Variants in DMD observed in about 807,000 individuals in gnomAD.
DMD encodes the protein mutant dystrophin.
Under a neutral mutation model 330.1 loss-of-function variants are expected in DMD, and 63 were observed. The observed-to-expected ratio is 0.19, with a 90% CI of 0.16 to 0.24. The LOEUF (loss-of-function observed/expected upper bound fraction) is 0.24, where lower values mean the gene tolerates loss of function less well. Among genes scored for constraint, DMD ranks in the 10% least tolerant of loss-of-function variants. The pLI, the probability that DMD is intolerant of heterozygous loss-of-function variation, is 1.00. For missense variants in DMD, 3,344 were observed against 2,684.1 expected, an observed-to-expected ratio of 1.25 and a Z score of -5.43; for synonymous variants, 1,223 against 959.8, an observed-to-expected ratio of 1.27 and a Z score of -5.07.
chrX:32,718,327 G>GA (rs1227109265), intron 7 of DMD, among the ~76,000 whole-genome samples: 1 of 110,935 alleles, frequency 9.0e-6, no homozygotes, highest in Non-Finnish European at 1.9e-5. Flanking sequence ...CTGGTTGTGT[G>GA]AAAGCGTGTA....
chrX:31,277,322 C>T (rs936034730), intron 62 of DMD, among the ~76,000 whole-genome samples: 44 of 111,483 alleles, frequency 3.9e-4, no homozygotes, highest in African/African-American at 1.3e-3. Context: ...CCAGCATCTC[C>T]CTTATTTTCT....
intron 2 of DMD, among the ~76,000 whole-genome samples, chrX:32,912,087 G>A (rs947578198): frequency 9.3e-6 from 1 of 107,415 alleles, no homozygotes; most frequent in African/African-American, 3.4e-5. Context: ...AGGAAGAGGA[G>A]AAGGAATGGG....
intron 44 of DMD, among the ~76,000 whole-genome samples, chrX:32,005,916 C>G (rs2095658512): frequency 9.0e-6 from 1 of 111,245 alleles, no homozygotes; most frequent in Non-Finnish European, 1.9e-5. Flanking sequence ...TACTTCTTGT[C>G]TAATGAAGTG....
intron 63 of DMD, among the ~76,000 whole-genome samples, chrX:31,224,657 A>T (rs2046406511): frequency 1.8e-5 from 2 of 111,868 alleles, no homozygotes; most frequent in African/African-American, 6.5e-5. Context: ...CACAGAATAA[A>T]AAAAAATGTA....
chrX:32,648,378 T>C (rs980182520), intron 9 of DMD, among the ~76,000 whole-genome samples: 4 of 112,172 alleles, frequency 3.6e-5, no homozygotes, highest in East Asian at 2.8e-4. Flanking sequence ...AGATAGACTA[T>C]TGTTTTTCAA....
At chrX:31,287,549 C>T (rs2053319747) in intron 62 of DMD, among the ~76,000 whole-genome samples, 1 of 112,083 alleles carries the variant, frequency 8.9e-6, no homozygotes, top group East Asian at 2.8e-4. Context: ...AAAGCTCTGA[C>T]AGGAGAAAAC....
intron 20 of DMD, among the ~76,000 whole-genome samples, chrX:32,489,770 A>T (rs2042821605): frequency 8.9e-6 from 1 of 111,966 alleles, no homozygotes; most frequent in African/African-American, 3.2e-5. Flanking sequence ...CAAGAATCGG[A>T]TAAGGTAACA....
intron 12 of DMD, among the ~76,000 whole-genome samples, chrX:32,606,330 G>A (rs1232214688): frequency 5.5e-5 from 6 of 109,717 alleles, no homozygotes; most frequent in African/African-American, 1.6e-4. Context: ...ACGATCTCTA[G>A]TTCCATCCAC....
chrX:32,809,553 C>T lies in DMD; in HGVS notation c.589G>A (p.Glu197Lys), dbSNP rs1340365803. Residue 197 changes from glutamate (E) to lysine (K), a missense_variant, in exon 7 of 79, where the codon GAA becomes AAA. Physicochemically the swap from Glu to Lys is moderately conservative, Grantham distance 56. Coordinates refer to ENST00000357033, the MANE Select transcript of DMD (RefSeq NM_004006.3). ...VCQQSATQRL[E>K]HAFNIARYQL... ...TATCTGGCGATGTTGAATGCATGTT[C>T]CAGTCGTTGTGTGGCTGACTGCTGG... is the stretch of plus-strand genomic sequence containing the variant. 1.7e-6 allele frequency: 2 copies of T among 1,208,935 alleles called. No individual in the cohort carries two copies. Among genetic ancestry groups the T allele is most frequent in the Non-Finnish European group, 1.1e-6 (1 of 894,969 alleles).
At chrX:33,285,477 G>C (rs2053417911) in intron 1 of DMD, among the ~76,000 whole-genome samples, 1 of 111,903 alleles carries the variant, frequency 8.9e-6, no homozygotes. Flanking sequence ...TTGAAACTTG[G>C]AGGATCAAAT....
In DMD at chrX:32,000,444, A is replaced by G. The variant is rs754103348; in HGVS notation, c.6439-31930T>C. Reference sequence around the variant, plus strand: ...TATTAGGTCCCATCGAAAATTGCCTATTTATGTATACAATAAGCATGAGAA... The same window carrying G: ...TATTAGGTCCCATCGAAAATTGCCTGTTTATGTATACAATAAGCATGAGAA... On this transcript the variant is annotated intron_variant, in intron 44 of 78. Transcript: ENST00000357033. Among the ~76,000 whole-genome samples, 4 of 112,256 alleles carry G rather than the reference A, an allele frequency of 3.6e-5. No homozygotes were observed. In the East Asian group the frequency reaches 8.4e-4, roughly 24 times the overall value.
chrX:32,858,806 A>G (rs149216926), intron 2 of DMD, among the ~76,000 whole-genome samples: 2,118 of 110,769 alleles, frequency 0.019, 61 homozygotes, highest in African/African-American at 0.066. Context: ...AATCTAACAT[A>G]CTATTTCTCT....
At position 31,845,424 on chromosome X, in the gene DMD, T is replaced by TCC. The variant is rs1556937723; in HGVS notation, c.7099-8607_7099-8606dup. On this transcript the variant is annotated intron_variant, in intron 48 of 78. Coordinates refer to ENST00000357033, the MANE Select transcript of DMD (RefSeq NM_004006.3). ...CTCTCTCTCTCTCTCTCTCTCTCTCTCCCTCTCCTCCCGTCCCTCTCTTTC... is the reference window on the plus strand; with the variant it reads ...CTCTCTCTCTCTCTCTCTCTCTCTCTCCCCCTCTCCTCCCGTCCCTCTCTTTC... Among the ~76,000 whole-genome samples, 28 of 94,341 alleles carry TCC rather than the reference T, an allele frequency of 3.0e-4. 1 individual carries two copies. In the Middle Eastern group the frequency reaches 0.016, roughly 55 times the overall value. The allele number at this position is 94,341 out of a possible 115,157, so 81.9% of individuals were successfully genotyped here. A position where few individuals can be genotyped will look rare whatever the true frequency, so the allele number is the denominator to read the frequency against.
rs1370534084 is a variant in DMD, at chrX:32,346,869, T to C, written c.5449-789A>G. The stretch of plus-strand genomic sequence containing the variant: ...TAATATAGTCGCATATATGACCATG[T>C]GATTTTTCACCTTTAGTTTTCTTTC... On this transcript the variant is annotated intron_variant, in intron 38 of 78. Transcript: ENST00000357033. Among the ~76,000 whole-genome samples, 3 of 111,944 alleles carry C rather than the reference T, an allele frequency of 2.7e-5. No homozygotes were observed. In the Admixed American group the frequency reaches 2.9e-4, roughly 11 times the overall value.
chrX:31,180,137 T>C (rs1236608235), intron 69 of DMD, among the ~76,000 whole-genome samples: 2 of 111,196 alleles, frequency 1.8e-5, no homozygotes, highest in African/African-American at 3.3e-5. Context: ...GAAAACCCTA[T>C]TTATTCATCC....
intron 43 of DMD, 48 bp downstream of exon 43, chrX:32,287,481 A>G (rs998454168): frequency 8.7e-7 from 1 of 1,154,335 alleles, no homozygotes; most frequent in Non-Finnish European, 1.2e-6. Context: ...AGTTCCCTGA[A>G]AACAAATCAT....
intron 77 of DMD, among the ~76,000 whole-genome samples, chrX:31,129,025 G>A (rs1214263811): frequency 1.8e-5 from 2 of 110,314 alleles, no homozygotes; most frequent in African/African-American, 3.3e-5. Flanking sequence ...CAGTTACAGT[G>A]TCCATCTGGC....
At chrX:32,302,279 A>T (rs993367343) in intron 42 of DMD, among the ~76,000 whole-genome samples, 2 of 111,497 alleles carry the variant, frequency 1.8e-5, no homozygotes, top group African/African-American at 6.5e-5. Context: ...ATAGGTGTTC[A>T]GAGCATGTTT....
chrX:31,954,882 T>G (rs919694877), intron 45 of DMD, among the ~76,000 whole-genome samples: 19 of 109,614 alleles, frequency 1.7e-4, no homozygotes, highest in Non-Finnish European at 3.4e-4. Flanking sequence ...TTTAAAAAAT[T>G]CAGGCCAATC....
Sources: allele counts gnomAD v4.1 joint callset (sites outside exome capture counted in the v4.1 genomes callset), GRCh38; gene constraint gnomAD v4.1.1; transcripts MANE v1.5; gene names NCBI Gene and HGNC (gene_info 2026-07-23, HGNC 2026-07-21).